LYAR: variants seen among roughly 807,000 people sequenced by gnomAD.
LYAR encodes Ly1 antibody reactive.
LYAR carries 37 observed loss-of-function variants against 45.2 expected under a neutral mutation model. The ratio of observed to expected loss-of-function variants is 0.82; its 90% CI spans 0.63 to 1.08. The LOEUF is 1.08. LYAR is among the 50% of genes least tolerant of loss of function. The pLI is 0.00. For missense variants in LYAR, 493 were observed against 451.0 expected (o/e 1.09, Z -0.84); for synonymous variants, 176 against 155.1 (o/e 1.14, Z -1.00).
At chr4:4,279,966 C>T (rs554670250) in intron 4 of LYAR, among the ~76,000 whole-genome samples, 1 of 152,258 alleles carries the variant, frequency 6.6e-6, no homozygotes, top group South Asian at 2.1e-4. Flanking sequence ...AAATAAAAGG[C>T]ATCCTAACTG....
chr4:4,283,639 T>C lies in LYAR; in HGVS notation c.104A>G (p.Asp35Gly). ...AGCTTACCAGAAATCTTTACCGCAG[T>C]CAATGCAAGAAAGGCATTCACAGTT... ...CRNCECLSCI[D>G]CGKDFWGDDY... The change falls in exon 3 of 10, where the codon GAC (aspartate) becomes GGC (glycine). Residue 35 changes from aspartate to glycine, a missense_variant. Physicochemically the swap from Asp to Gly is moderately conservative, Grantham distance 94 (BLOSUM62 -1). Transcript: ENST00000343470. The C allele has an allele frequency of 1.2e-6, 2 of 1,612,514 alleles. No individual in the cohort carries two copies. Among genetic ancestry groups the C allele is most frequent in the South Asian group, 2.2e-5 (2 of 91,066 alleles).
Position 4,273,629 on chromosome 4 carries a change from C to T in LYAR, c.873G>A (p.Glu291=), listed in dbSNP as rs1719042159. The T allele has an allele frequency of 1.2e-6, 2 of 1,613,288 alleles. No individual in the cohort carries two copies. The highest frequency in any genetic ancestry group is 1.3e-5 in the African/African-American group (1 of 74,876). ...DSKKKKMKLP[E]HPEGGEPEDD... ...CTTCTGGTTCTCCGCCCTCAGGATGCTCTGGGAGCTTCATCTTTTTCTTCT... is the reference window on the plus strand; with the variant it reads ...CTTCTGGTTCTCCGCCCTCAGGATGTTCTGGGAGCTTCATCTTTTTCTTCT... The change falls in exon 8 of 10, where the codon GAG becomes GAA. Residue 291 remains glutamate (E), a synonymous_variant. Coordinates refer to ENST00000343470, the MANE Select transcript of LYAR (RefSeq NM_017816.3).
At chr4:4,274,915 C>G in intron 6 of LYAR, 146 bp from the exon 7 acceptor site, 1 of 702,200 alleles carries the variant, frequency 1.4e-6, no homozygotes, top group Non-Finnish European at 2.3e-6. Context: ...TGACCCCCAC[C>G]AACAGCTAAA....
At chr4:4,287,951 C>T (rs920464466) in intron 1 of LYAR, among the ~76,000 whole-genome samples, 2 of 152,170 alleles carry the variant, frequency 1.3e-5, no homozygotes, top group African/African-American at 4.8e-5. Context: ...AGCCAGTGGT[C>T]ACTAAGGGGC....
chr4:4,279,850 G>A (rs1374745422), intron 4 of LYAR, 101 bp from the exon 5 acceptor site: 15 of 702,536 alleles, frequency 2.1e-5, no homozygotes, highest in African/African-American at 9.0e-5. Context: ...AAGCGTTCAC[G>A]TTTTAAGCCC....
At chr4:4,279,797 T>A (rs761512905) in intron 4 of LYAR, 48 bp from the exon 5 acceptor site, 4 of 1,239,922 alleles carry the variant, frequency 3.2e-6, no homozygotes, top group Non-Finnish European at 4.7e-6. Context: ...ACAACCAACA[T>A]GAGTTTCATG....
chr4:4,269,413 A>G (rs1718841615), intron 8 of LYAR, among the ~76,000 whole-genome samples: 1 of 152,176 alleles, frequency 6.6e-6, no homozygotes, highest in Middle Eastern at 3.2e-3. Context: ...CCGAGTGGCG[A>G]GCCTGAGTTC....
chr4:4,275,037 C>T (rs1231476706), intron 6 of LYAR, among the ~76,000 whole-genome samples: 1 of 152,210 alleles, frequency 6.6e-6, no homozygotes, highest in Non-Finnish European at 1.5e-5. Context: ...CCTTATGTCG[C>T]TGAAGATAAG....
At chr4:4,286,845 G>A (rs1050315353) in intron 1 of LYAR, among the ~76,000 whole-genome samples, 1 of 152,016 alleles carries the variant, frequency 6.6e-6, no homozygotes, top group African/African-American at 2.4e-5. Flanking sequence ...GATAGATGGG[G>A]TTTCACCGTG....
At chr4:4,282,220 T>C (rs962964007) in intron 3 of LYAR, among the ~76,000 whole-genome samples, 9 of 152,152 alleles carry the variant, frequency 5.9e-5, no homozygotes, top group Non-Finnish European at 1.3e-4. Flanking sequence ...TTCTATGCAA[T>C]AGGGTAGTTT....
chr4:4,288,051 C>G (rs1173055441), intron 1 of LYAR, among the ~76,000 whole-genome samples: 3 of 152,118 alleles, frequency 2.0e-5, no homozygotes, highest in Non-Finnish European at 4.4e-5. Flanking sequence ...TGAGCTGGAG[C>G]CTACATCTGC....
At chr4:4,281,282 T>C (rs1292031600) in intron 4 of LYAR, among the ~76,000 whole-genome samples, 1 of 149,282 alleles carries the variant, frequency 6.7e-6, no homozygotes, top group Admixed American at 6.6e-5. Context: ...AAAGGTATAA[T>C]GCACCGCAAC....
intron 9 of LYAR, 137 bp downstream of exon 9, chr4:4,268,393 G>C: frequency 3.1e-6 from 2 of 653,158 alleles, no homozygotes; most frequent in Non-Finnish European, 5.3e-6. Flanking sequence ...TGGGGCTTTG[G>C]AGCAGCTTGA....
intron 6 of LYAR, among the ~76,000 whole-genome samples, chr4:4,278,662 T>G (rs998132540): frequency 6.6e-6 from 1 of 152,238 alleles, no homozygotes; most frequent in Admixed American, 6.5e-5. Flanking sequence ...TACTTTAGAT[T>G]TTTTTGTTCA....
At chr4:4,288,776 G>T (rs565909659) in intron 1 of LYAR, among the ~76,000 whole-genome samples, 1 of 152,270 alleles carries the variant, frequency 6.6e-6, no homozygotes, top group East Asian at 1.9e-4. Flanking sequence ...ACGGGCCACT[G>T]CGCTTGGCCT....
chr4:4,269,086 A>G (rs1718826959), intron 8 of LYAR, among the ~76,000 whole-genome samples: 1 of 152,142 alleles, frequency 6.6e-6, no homozygotes, highest in Middle Eastern at 3.2e-3. Flanking sequence ...GCCCACTACA[A>G]CTGAGAACCC....
intron 1 of LYAR, among the ~76,000 whole-genome samples, chr4:4,287,114 T>C (rs1719650035): frequency 1.3e-5 from 2 of 152,186 alleles, no homozygotes; most frequent in Admixed American, 6.5e-5. Context: ...AGCAGTTTTT[T>C]CATGGGGCTG....
chr4:4,282,357 A>G (rs1016188772), intron 3 of LYAR, among the ~76,000 whole-genome samples: 1 of 151,466 alleles, frequency 6.6e-6, no homozygotes, highest in Non-Finnish European at 1.5e-5. Flanking sequence ...GTCCTGAGAA[A>G]AAAGAAAACT....
chr4:4,274,270 ACG>A, intron 7 of LYAR, 95 bp downstream of exon 7: 2 of 1,328,572 alleles, frequency 1.5e-6, no homozygotes, highest in Non-Finnish European at 2.1e-6. Context: ...CCACACACAC[ACG>A]CACACAAAAC....
Sources: gnomAD v4.1 joint callset for allele counts (sites outside exome capture counted in the v4.1 genomes callset) on GRCh38, gnomAD v4.1.1 for gene constraint, MANE v1.5 for transcripts, NCBI Gene and HGNC (gene_info 2026-07-23, HGNC 2026-07-21) for gene names.